The following HHAT variants were observed in gnomAD, a reference collection of about 807,000 sequenced individuals.
The protein encoded by HHAT is hedgehog acyltransferase.
Under a neutral mutation model 70.8 loss-of-function variants are expected in HHAT, and 47 were observed. The ratio of observed to expected loss-of-function variants is 0.66; its 90% CI spans 0.53 to 0.85. The LOEUF is 0.85. Ranked by LOEUF, HHAT falls within the 40% of genes least tolerant of loss-of-function variation. The pLI, the probability that HHAT is intolerant of heterozygous loss-of-function variation, is 0.00. For missense variants in HHAT, 609 were observed against 604.8 expected, an observed-to-expected ratio of 1.01 and a Z score of -0.07; for synonymous variants, 228 against 247.6, an observed-to-expected ratio of 0.92 and a Z score of 0.74.
intron 10 of HHAT, among the ~76,000 whole-genome samples, chr1:210,616,702 T>C (rs1202346998): frequency 1.5e-5 from 2 of 136,930 alleles, no homozygotes; most frequent in African/African-American, 2.8e-5. Context: ...TTGTGTAATG[T>C]AGTAGGAGCA....
intron 3 of HHAT, among the ~76,000 whole-genome samples, chr1:210,385,834 T>C (rs2091004282): frequency 6.6e-6 from 1 of 152,200 alleles, no homozygotes; most frequent in Non-Finnish European, 1.5e-5. Context: ...AAACTTTTAA[T>C]GTACATATGC....
Position 210,674,382 on chromosome 1 carries a change from C to T in HHAT, c.*3C>T, listed in dbSNP as rs201086519. The T allele has an allele frequency of 6.2e-7, 1 of 1,612,426 alleles. No homozygotes were observed. Among genetic ancestry groups the T allele is most frequent in the Non-Finnish European group, 8.5e-7 (1 of 1,178,498 alleles). On this transcript the variant is annotated 3_prime_UTR_variant, in exon 12 of 12. Transcript: ENST00000261458. Reference sequence around the variant, plus strand: ...CCCAGACCTACGCCACGGACTAATGCTGTTGGGCCCAGGCCAGTCCTTGTT... The same window carrying T: ...CCCAGACCTACGCCACGGACTAATGTTGTTGGGCCCAGGCCAGTCCTTGTT...
intron 3 of HHAT, among the ~76,000 whole-genome samples, chr1:210,385,583 A>C (rs1017141221): frequency 1.3e-5 from 2 of 152,216 alleles, no homozygotes; most frequent in African/African-American, 4.8e-5. Flanking sequence ...GATTTCCAGC[A>C]AGGGACAGGG....
chr1:210,653,142 CA>C (rs1291801246), intron 11 of HHAT, among the ~76,000 whole-genome samples: 5 of 152,076 alleles, frequency 3.3e-5, no homozygotes, highest in African/African-American at 1.2e-4. Flanking sequence ...TACATACATA[CA>C]TACATACATA....
At chr1:210,592,414 G>A (rs987393149) in intron 10 of HHAT, among the ~76,000 whole-genome samples, 3 of 151,818 alleles carry the variant, frequency 2.0e-5, no homozygotes, top group African/African-American at 7.3e-5. Context: ...GCCCAATACT[G>A]TACTATTTTG....
chr1:210,351,353 C>G (rs945098092), intron 2 of HHAT, among the ~76,000 whole-genome samples: 1 of 152,204 alleles, frequency 6.6e-6, no homozygotes, highest in Non-Finnish European at 1.5e-5. Flanking sequence ...CTTATCTCAT[C>G]AAGAAACACC....
chr1:210,633,304 G>A (rs1671234059), intron 11 of HHAT, among the ~76,000 whole-genome samples: 1 of 152,350 alleles, frequency 6.6e-6, no homozygotes, highest in South Asian at 2.1e-4. Context: ...TTTGCTGTCT[G>A]GGCATGGGCC....
At chr1:210,524,717 G>C (rs2095219754) in intron 9 of HHAT, among the ~76,000 whole-genome samples, 1 of 152,076 alleles carries the variant, frequency 6.6e-6, no homozygotes, top group South Asian at 2.1e-4. Context: ...AGAGAAATTG[G>C]GATTTTTGAA....
intron 11 of HHAT, among the ~76,000 whole-genome samples, chr1:210,666,231 A>C (rs538652294): frequency 1.3e-5 from 2 of 152,324 alleles, no homozygotes; most frequent in African/African-American, 4.8e-5. Context: ...TCAGCAACTC[A>C]ATTAACTCAT....
rs1200484282 is a variant in HHAT at position 210,549,211 on chromosome 1, T to C, written c.1043+36023T>C. Reference sequence around the variant, plus strand: ...TCTAAGGTAGGCATGATTGTTGTTTTTGTTATTTGTAATTGTTTTTATTAC... The same window carrying C: ...TCTAAGGTAGGCATGATTGTTGTTTCTGTTATTTGTAATTGTTTTTATTAC... On this transcript the variant is annotated intron_variant, in intron 9 of 11. Transcript: ENST00000261458. Among the ~76,000 whole-genome samples the C allele has an allele frequency of 2.2e-5, 3 of 136,234 alleles. 1 individual carries two copies. In the Admixed American group the frequency reaches 2.5e-4, roughly 11 times the overall value. 89.4% of individuals were successfully genotyped at this position (136,234 alleles called of 152,430 possible).
chr1:210,584,565 C>T (rs1017489110), intron 9 of HHAT, among the ~76,000 whole-genome samples: 3 of 152,126 alleles, frequency 2.0e-5, no homozygotes, highest in African/African-American at 7.2e-5. Context: ...AGCAGAACAC[C>T]GGATAAGACT....
At chr1:210,560,316 C>T (rs910495730) in intron 9 of HHAT, among the ~76,000 whole-genome samples, 1 of 151,438 alleles carries the variant, frequency 6.6e-6, no homozygotes, top group African/African-American at 2.4e-5. Context: ...AGGTTTTTTT[C>T]CCCCACTTAA....
At chr1:210,599,675 A>AT (rs1394486958) in intron 10 of HHAT, among the ~76,000 whole-genome samples, 2 of 151,990 alleles carry the variant, frequency 1.3e-5, no homozygotes, top group Non-Finnish European at 2.9e-5. Flanking sequence ...AGCTGCTCTC[A>AT]TTTCTTTCCT....
At chr1:210,551,842 G>A (rs1270760668) in intron 9 of HHAT, among the ~76,000 whole-genome samples, 1 of 152,208 alleles carries the variant, frequency 6.6e-6, no homozygotes, top group African/African-American at 2.4e-5. Context: ...AAAGTTCTGT[G>A]ATGTTGAAGT....
chr1:210,612,010 G>A (rs1484249331), intron 10 of HHAT, among the ~76,000 whole-genome samples: 3 of 152,006 alleles, frequency 2.0e-5, no homozygotes, highest in Non-Finnish European at 2.9e-5. Flanking sequence ...TCAGGATGAC[G>A]CTGGCCTTCA....
intron 7 of HHAT, among the ~76,000 whole-genome samples, chr1:210,458,410 T>C (rs1055512480): frequency 2.0e-5 from 3 of 152,278 alleles, no homozygotes; most frequent in Admixed American, 6.5e-5. Flanking sequence ...CTGTGATCAT[T>C]GCCCTTCCGA....
At chr1:210,418,087 A>G (rs2092777538) in intron 6 of HHAT, 67 bp from the exon 7 acceptor site, 2 of 1,491,142 alleles carry the variant, frequency 1.3e-6, no homozygotes, top group Non-Finnish European at 1.9e-6. Context: ...TTTATGAAAA[A>G]TCTTATCTAA....
chr1:210,453,655 A>G (rs1000991604), intron 7 of HHAT, among the ~76,000 whole-genome samples: 1 of 152,108 alleles, frequency 6.6e-6, no homozygotes, highest in Admixed American at 6.5e-5. Flanking sequence ...AAATACTTGT[A>G]TGTTTCTTTT....
At chr1:210,341,775 CT>C (rs1266388957) in intron 1 of HHAT, among the ~76,000 whole-genome samples, 1 of 152,160 alleles carries the variant, frequency 6.6e-6, no homozygotes, top group Non-Finnish European at 1.5e-5. Flanking sequence ...TTCTGTGGCC[CT>C]CTTGAGTTCT....
Sources: gnomAD v4.1 joint callset for allele counts (sites outside exome capture counted in the v4.1 genomes callset) on GRCh38, gnomAD v4.1.1 for gene constraint, MANE v1.5 for transcripts, NCBI Gene and HGNC (gene_info 2026-07-23, HGNC 2026-07-21) for gene names.